The following RANBP2 variants were observed in gnomAD, a reference collection of about 807,000 sequenced individuals.
The protein encoded by RANBP2 is E3 SUMO-protein ligase RanBP2.
Under a neutral mutation model 303.6 loss-of-function variants are expected in RANBP2, and 57 were observed. The observed-to-expected ratio is 0.19, with a 90% CI of 0.15 to 0.23. The LOEUF (loss-of-function observed/expected upper bound fraction) is 0.23, where lower values mean the gene tolerates loss of function less well. Ranked by LOEUF, RANBP2 falls within the 10% of genes least tolerant of loss-of-function variation. RANBP2 has a pLI of 1.00. For synonymous variants in RANBP2, 1,167 were observed against 1,301.5 expected, an observed-to-expected ratio of 0.90 and a Z score of 2.23; for missense variants, 3,138 against 3,780.8, an observed-to-expected ratio of 0.83 and a Z score of 4.46.
At chr2:109,500,523 G>A in the RANBP2 span, among the ~76,000 whole-genome samples, 1 of 152,224 alleles carries the variant, frequency 6.6e-6, no homozygotes, top group Non-Finnish European at 1.5e-5. Context: ...CTCAGAGGCT[G>A]CAGGGGGCCC....
the RANBP2 span, among the ~76,000 whole-genome samples, chr2:109,137,605 T>C: frequency 3.3e-5 from 5 of 152,234 alleles, no homozygotes; most frequent in Non-Finnish European, 7.3e-5. Context: ...ATTTAGGATC[T>C]AAGATACATT....
the RANBP2 span, among the ~76,000 whole-genome samples, chr2:109,144,836 C>T: frequency 7.8e-3 from 1,183 of 152,298 alleles, 12 homozygotes; most frequent in East Asian, 0.034. Context: ...AACCAAGAGA[C>T]GGGCAGGGGG....
the RANBP2 span, among the ~76,000 whole-genome samples, chr2:109,354,872 A>G: frequency 6.6e-6 from 1 of 152,272 alleles, no homozygotes; most frequent in Non-Finnish European, 1.5e-5. Context: ...TGTAGATGGC[A>G]GGTCCTACCA....
the RANBP2 span, among the ~76,000 whole-genome samples, chr2:109,239,554 G>A: frequency 7.2e-5 from 11 of 152,220 alleles, no homozygotes; most frequent in African/African-American, 2.4e-4. Context: ...TGAGGGACAC[G>A]GGGTTAGTGG....
intron 18 of RANBP2, among the ~76,000 whole-genome samples, chr2:108,759,567 A>G (rs987094809): frequency 6.6e-6 from 1 of 152,286 alleles, no homozygotes; most frequent in Non-Finnish European, 1.5e-5. Flanking sequence ...GTGATGGTTC[A>G]TATAGTTAAG....
At chr2:109,567,797 A>G in the RANBP2 span, 1 of 1,549,382 alleles carries the variant, frequency 6.5e-7, no homozygotes, top group Non-Finnish European at 8.7e-7. Flanking sequence ...CAGAATTAAC[A>G]TTCAATCAGG....
chr2:109,578,100 T>C, the RANBP2 span, among the ~76,000 whole-genome samples: 2 of 151,760 alleles, frequency 1.3e-5, no homozygotes, highest in Non-Finnish European at 2.9e-5. Context: ...ACTATAAGCA[T>C]AGAAATCAGG....
At chr2:109,540,099 A>AT in the RANBP2 span, among the ~76,000 whole-genome samples, 3 of 152,176 alleles carry the variant, frequency 2.0e-5, no homozygotes, top group Non-Finnish European at 4.4e-5. Flanking sequence ...AGAGACAGGA[A>AT]TTTTTTAGCT....
chr2:109,155,801 T>C, the RANBP2 span, among the ~76,000 whole-genome samples: 1 of 152,224 alleles, frequency 6.6e-6, no homozygotes, highest in African/African-American at 2.4e-5. Flanking sequence ...GTGAATAACG[T>C]AGAATGGAAG....
At chr2:109,414,834 C>T in the RANBP2 span, among the ~76,000 whole-genome samples, 4 of 152,240 alleles carry the variant, frequency 2.6e-5, no homozygotes, top group South Asian at 2.1e-4. Context: ...CCTCCCTCAA[C>T]GTCCTTCAGA....
the RANBP2 span, among the ~76,000 whole-genome samples, chr2:109,646,002 A>C: frequency 6.6e-6 from 1 of 152,212 alleles, no homozygotes; most frequent in East Asian, 1.9e-4. Flanking sequence ...AAGGGAGCTA[A>C]AGTCAAAGGA....
At chr2:108,940,907 C>G in the RANBP2 span, among the ~76,000 whole-genome samples, 9 of 152,276 alleles carry the variant, frequency 5.9e-5, no homozygotes, top group African/African-American at 1.9e-4. Context: ...TTGCAATAAG[C>G]TTCACATTTT....
chr2:109,193,286 C>G, the RANBP2 span, among the ~76,000 whole-genome samples: 22 of 152,142 alleles, frequency 1.4e-4, no homozygotes, highest in Admixed American at 2.0e-4. Flanking sequence ...TCTTTTAAGG[C>G]TTTATTGAGA....
the RANBP2 span, among the ~76,000 whole-genome samples, chr2:108,973,127 AT>A: frequency 6.6e-6 from 1 of 152,130 alleles, no homozygotes. Flanking sequence ...GCTGGGATTA[AT>A]GGCACCCGCC....
the RANBP2 span, among the ~76,000 whole-genome samples, chr2:109,147,511 C>T: frequency 6.6e-6 from 1 of 152,160 alleles, no homozygotes; most frequent in Non-Finnish European, 1.5e-5. Flanking sequence ...GAAGCCCACA[C>T]TTGAAGGAAT....
chr2:108,747,348 C>T (rs1696593821), intron 8 of RANBP2, among the ~76,000 whole-genome samples: 1 of 152,058 alleles, frequency 6.6e-6, no homozygotes, highest in African/African-American at 2.4e-5. Context: ...AGTTAGGTGG[C>T]CATTGAATCA....
chr2:109,596,685 T>C, the RANBP2 span, among the ~76,000 whole-genome samples: 1 of 151,988 alleles, frequency 6.6e-6, no homozygotes, highest in African/African-American at 2.4e-5. Context: ...AAATAAAATA[T>C]AGGTTAAATT....
chr2:108,756,890 A>G (rs554187288), intron 17 of RANBP2, among the ~76,000 whole-genome samples: 3 of 152,346 alleles, frequency 2.0e-5, no homozygotes, highest in African/African-American at 7.2e-5. Flanking sequence ...CAGTGACCAT[A>G]AAGTTTTCTA....
chr2:109,606,794 C>A, the RANBP2 span, among the ~76,000 whole-genome samples: 1 of 146,018 alleles, frequency 6.8e-6, no homozygotes, highest in Non-Finnish European at 1.5e-5. Context: ...ATTCTCCTGC[C>A]TTAGCCTCCC....
Sources: gnomAD v4.1 joint callset for allele counts (sites outside exome capture counted in the v4.1 genomes callset) on GRCh38, gnomAD v4.1.1 for gene constraint, MANE v1.5 for transcripts, NCBI Gene and HGNC (gene_info 2026-07-23, HGNC 2026-07-21) for gene names.